The following HSH2D variants were observed in gnomAD, a reference collection of about 807,000 sequenced individuals.
The protein encoded by HSH2D is hematopoietic SH2 domain containing, also known as hematopoietic SH2 domain-containing protein.
In HSH2D, 16 loss-of-function variants were observed where a neutral mutation model predicts 21.5. That is an observed-to-expected ratio of 0.74 (90% confidence interval 0.50 to 1.13). The LOEUF is 1.13. Among genes scored for constraint, HSH2D ranks in the 50% most tolerant of loss-of-function variants. HSH2D has a pLI of 0.00. For synonymous variants in HSH2D, 172 were observed against 184.7 expected (o/e 0.93, Z 0.56); for missense variants, 418 against 441.4 (o/e 0.95, Z 0.47).
Position 16,148,869 on chromosome 19 carries a change from C to T in HSH2D, c.119C>T (p.Ser40Leu), listed in dbSNP as rs755668530. 8.7e-6 allele frequency: 14 copies of T among 1,612,206 alleles called. No individual in the cohort carries two copies. Among genetic ancestry groups the T allele is most frequent in the Non-Finnish European group, 1.1e-5 (13 of 1,179,058 alleles). The change falls in exon 2 of 6, where the codon TCA becomes TTA. Residue 40 changes from serine (S) to leucine (L), a missense_variant. Ser to Leu is a moderately radical substitution (Grantham distance 145). Coordinates refer to ENST00000613986, the MANE Select transcript of HSH2D (RefSeq NM_001382417.1). ...GVPEWFHGAI[S>L]REDAENLLES... is the part of the protein sequence containing the mutation. ...CCCGAGTGGTTCCATGGTGCAATCT[C>T]AAGAGAGTGAGGACACACCCACACC...
intron 2 of HSH2D, among the ~76,000 whole-genome samples, chr19:16,149,347 C>T (rs1302695508): frequency 1.3e-5 from 2 of 152,148 alleles, no homozygotes; most frequent in Admixed American, 1.3e-4. Context: ...GGATTACAGG[C>T]ACATGCCACC....
chr19:16,152,949 G>T (rs2091179560), intron 3 of HSH2D, 94 bp from the exon 4 acceptor site: 4 of 1,435,658 alleles, frequency 2.8e-6, no homozygotes, highest in Non-Finnish European at 2.9e-6. Context: ...GGGGTAGTCT[G>T]GCTGTAGCAG....
chr19:16,148,524 A>C (rs917591556), intron 1 of HSH2D, among the ~76,000 whole-genome samples, 200 bp from the exon 2 acceptor site: 3 of 151,814 alleles, frequency 2.0e-5, no homozygotes, highest in South Asian at 2.1e-4. Context: ...GGGCTCAAGC[A>C]ATCCTCCCAC....
intron 2 of HSH2D, among the ~76,000 whole-genome samples, chr19:16,150,471 G>T (rs558001824): frequency 6.6e-6 from 1 of 151,878 alleles, no homozygotes; most frequent in East Asian, 1.9e-4. Flanking sequence ...CCCAGGAGGC[G>T]GAGATTGCAG....
rs756820511 is a variant in HSH2D at position 16,157,444 on chromosome 19, C to T, written c.709C>T (p.Arg237Trp). 1.5e-5 allele frequency: 25 copies of T among 1,613,742 alleles called. No individual in the cohort carries two copies. The highest frequency in any genetic ancestry group is 1.0e-4 in the Admixed American group (6 of 59,974). ...TVNLSSLLDV[R>W]RSTVISGPGT... ...GAACTTGTCGTCACTCTTGGATGTCCGGAGATCCACGGTGATCTCAGGCCC... is the reference window on the plus strand; with the variant it reads ...GAACTTGTCGTCACTCTTGGATGTCTGGAGATCCACGGTGATCTCAGGCCC... The change falls in exon 6 of 6, where the codon CGG becomes TGG. Residue 237 changes from arginine (R) to tryptophan (W), a missense_variant. Arg to Trp is a moderately radical substitution (Grantham distance 101, BLOSUM62 -3). Transcript: ENST00000613986. The surrounding 1 kb of genome is among the most constrained non-coding windows in gnomAD (Gnocchi z 4.4).
At chr19:16,146,130 A>G (rs1052340623) in intron 1 of HSH2D, among the ~76,000 whole-genome samples, 1 of 151,796 alleles carries the variant, frequency 6.6e-6, no homozygotes, top group Non-Finnish European at 1.5e-5. Context: ...TGAAGGAACT[A>G]TCTAGCAAGA....
chr19:16,151,879 G>GAGAATGGCGTGAATC, intron 2 of HSH2D, among the ~76,000 whole-genome samples: 1 of 150,686 alleles, frequency 6.6e-6, no homozygotes, highest in Admixed American at 6.6e-5. Context: ...GCTGAGGCAG[G>GAGAATGGCGTGAATC]CGGATCACTT....
chr19:16,153,363 C>T (rs973121614), intron 4 of HSH2D, among the ~76,000 whole-genome samples, 155 bp downstream of exon 4: 3 of 152,380 alleles, frequency 2.0e-5, no homozygotes, highest in East Asian at 1.9e-4. Flanking sequence ...CTCTGCCCCC[C>T]ACAGCGGTCT....
chr19:16,149,034 C>T (rs1405375670), intron 2 of HSH2D, among the ~76,000 whole-genome samples, 159 bp downstream of exon 2: 1 of 152,202 alleles, frequency 6.6e-6, no homozygotes, highest in African/African-American at 2.4e-5. Flanking sequence ...ATCCTGCCAC[C>T]TCTTTGGGCT....
upstream of HSH2D, among the ~76,000 whole-genome samples, chr19:16,140,808 G>T (rs182907897): frequency 1.0e-3 from 154 of 151,996 alleles, no homozygotes; most frequent in Middle Eastern, 0.014. Context: ...GATCACTTGA[G>T]CCCAGGAAGT....
chr19:16,145,911 G>C (rs2091061736), intron 1 of HSH2D, among the ~76,000 whole-genome samples: 1 of 151,830 alleles, frequency 6.6e-6, no homozygotes, highest in African/African-American at 2.4e-5. Flanking sequence ...CCCCATCCCT[G>C]CTAAAAATAC....
chr19:16,151,382 T>C (rs2091147892), intron 2 of HSH2D: 1 of 312,732 alleles, frequency 3.2e-6, no homozygotes, highest in East Asian at 9.8e-5. Context: ...ACAGCAAACA[T>C]TTTGGGAGCA....
intron 1 of HSH2D, among the ~76,000 whole-genome samples, chr19:16,148,357 C>T (rs111321266): frequency 0.019 from 2,966 of 152,182 alleles, 95 homozygotes; most frequent in African/African-American, 0.068. Context: ...TGATGTTGGC[C>T]GGGCTGGTCT....
intron 2 of HSH2D, chr19:16,151,325 CAAAA>C (rs781392050): frequency 5.4e-3 from 581 of 108,082 alleles, no homozygotes; most frequent in South Asian, 7.3e-3. Flanking sequence ...AACTCCAACT[CAAAA>C]AAAAAAAAAA....
chr19:16,157,191 C>A lies in HSH2D; in HGVS notation c.475-19C>A. ...CTGGTGGGCAAGCTGCCCCAGGCCT[C>A]CCCTACTCTCATTTTCAGGCCTCCC... On this transcript the variant is annotated intron_variant, in intron 5 of 5. Transcript: ENST00000613986. This position sits in a 1 kb window ranked among gnomAD's most constrained non-coding sequence, Gnocchi z 4.4. 1 of 1,516,570 alleles carries A rather than the reference C, an allele frequency of 6.6e-7. No individual in the cohort carries two copies. The highest frequency in any genetic ancestry group is 8.8e-7 in the Non-Finnish European group (1 of 1,132,520). 93.9% of individuals were successfully genotyped at this position (1,516,570 alleles called of 1,614,324 possible).
chr19:16,144,037 G>A (rs1035775056), intron 1 of HSH2D, among the ~76,000 whole-genome samples: 4 of 152,102 alleles, frequency 2.6e-5, no homozygotes, highest in Admixed American at 6.6e-5. Flanking sequence ...GATGTCTTTA[G>A]GTCTAGAATG....
chr19:16,144,322 G>C (rs975477454), intron 1 of HSH2D, among the ~76,000 whole-genome samples: 1 of 151,944 alleles, frequency 6.6e-6, no homozygotes, highest in Admixed American at 6.6e-5. Context: ...GAACAGGGGG[G>C]AACGTTGGGG....
At chr19:16,134,284 G>C (rs939310741) in intron 1 of HSH2D, 1 of 152,178 alleles carries the variant, frequency 6.6e-6, no homozygotes, top group African/African-American at 2.4e-5. Context: ...CTGTACCCAG[G>C]TGTTTATGGA....
chr19:16,154,103 G>A (rs190214771), intron 4 of HSH2D, among the ~76,000 whole-genome samples: 4 of 112,328 alleles, frequency 3.6e-5, no homozygotes, highest in Non-Finnish European at 8.0e-5. Context: ...CTGACCTAGC[G>A]CCCAAGAAAC....
Sources: allele counts gnomAD v4.1 joint callset (sites outside exome capture counted in the v4.1 genomes callset), GRCh38; gene constraint gnomAD v4.1.1; non-coding constraint Gnocchi (gnomAD v3.1); transcripts MANE v1.5; gene names NCBI Gene and HGNC (gene_info 2026-07-23, HGNC 2026-07-21).